The following ADAMTS2 variants were observed in gnomAD, a reference collection of about 807,000 sequenced individuals.
ADAMTS2 encodes ADAM metallopeptidase with thrombospondin type 1 motif 2.
Under a neutral mutation model 123.0 loss-of-function variants are expected in ADAMTS2, and 50 were observed. The observed-to-expected ratio is 0.41, with a 90% CI of 0.32 to 0.51. The LOEUF is 0.51. Among genes scored for constraint, ADAMTS2 ranks in the 20% least tolerant of loss-of-function variants. The probability of loss-of-function intolerance (pLI) is 0.35; values close to 1 mark genes in which losing one functional copy is unlikely to be tolerated. For synonymous variants in ADAMTS2, 678 were observed against 695.4 expected, an observed-to-expected ratio of 0.98 and a Z score of 0.39; for missense variants, 1,494 against 1,705.2, an observed-to-expected ratio of 0.88 and a Z score of 2.18.
In ADAMTS2 at chr5:179,270,000, G is replaced by A. The variant is rs147093552; in HGVS notation, c.688+2911C>T. Among the ~76,000 whole-genome samples, 1,213 of 152,166 alleles carry A rather than the reference G, an allele frequency of 8.0e-3. 19 individuals carry two copies. Among genetic ancestry groups the A allele is most frequent in the African/African-American group, 0.028 (1,157 of 41,526 alleles). On this transcript the variant is annotated intron_variant, in intron 3 of 21. Transcript: ENST00000251582. ...GGGAGGAGAGAAAAGGACCCTCCCC[G>A]CTCCCTCACCCCTTGCCCCTCCTAA...
rs1764161643 is a variant in ADAMTS2, at chr5:179,185,894, G to A, written c.892-4739C>T. 6.6e-6 allele frequency among the ~76,000 whole-genome samples: 1 copy of A among 152,014 alleles called. No homozygotes were observed. Among genetic ancestry groups the A allele is most frequent in the Admixed American group, 6.5e-5 (1 of 15,274 alleles). On this transcript the variant is annotated intron_variant, in intron 4 of 21. Coordinates refer to ENST00000251582, the MANE Select transcript of ADAMTS2 (RefSeq NM_014244.5). This position sits in a 1 kb window ranked among gnomAD's most constrained non-coding sequence, Gnocchi z 5.9. ...CTGAGGAGCTAGAGAGGGCATGCCT[G>A]CAAATGCTCCCAGCAGGTAGCCAGG...
chr5:179,329,050 A>G (rs537450508), intron 2 of ADAMTS2, among the ~76,000 whole-genome samples: 124 of 152,330 alleles, frequency 8.1e-4, no homozygotes, highest in South Asian at 2.9e-3. Flanking sequence ...AGAAAAGGCC[A>G]GGCACAGTGG....
intron 21 of ADAMTS2, among the ~76,000 whole-genome samples, chr5:179,119,184 T>C (rs780930935): frequency 1.3e-5 from 2 of 152,210 alleles, no homozygotes; most frequent in Non-Finnish European, 2.9e-5. Context: ...GGAAGCACTG[T>C]CTGACCCAAT....
At chr5:179,235,265 G>C (rs1422786675) in intron 3 of ADAMTS2, among the ~76,000 whole-genome samples, 1 of 152,208 alleles carries the variant, frequency 6.6e-6, no homozygotes, top group African/African-American at 2.4e-5. Context: ...TCATCTCTGG[G>C]TCACCTGCCT....
intron 3 of ADAMTS2, among the ~76,000 whole-genome samples, chr5:179,227,183 T>G (rs1380934230): frequency 6.6e-6 from 1 of 151,650 alleles, no homozygotes; most frequent in African/African-American, 2.4e-5. Context: ...AGAAGAAAGG[T>G]GTGCAGTGGC....
At chr5:179,210,152 A>T (rs1469208145) in intron 3 of ADAMTS2, among the ~76,000 whole-genome samples, 1 of 152,228 alleles carries the variant, frequency 6.6e-6, no homozygotes, top group Admixed American at 6.5e-5. Context: ...CCACACCTGG[A>T]GACAAAACAC....
In ADAMTS2 at chr5:179,128,261, C is replaced by A; in HGVS notation, c.2458-143G>T. ...CATTCCATGAAGTCGCCCCGAGCAC[C>A]AAATTCTTGAATAGGGAGCCATTAC... On this transcript the variant is annotated intron_variant, in intron 16 of 21. Transcript: ENST00000251582. This position sits in a 1 kb window ranked among gnomAD's most constrained non-coding sequence, Gnocchi z 4.9. 9.7e-7 allele frequency: 1 copy of A among 1,028,106 alleles called. No homozygotes were observed. 63.7% of individuals were successfully genotyped at this position (1,028,106 alleles called of 1,614,324 possible).
At position 179,155,577 on chromosome 5, in the gene ADAMTS2, T is replaced by G. The variant is rs1334582748; in HGVS notation, c.1133-658A>C. 6.6e-6 allele frequency among the ~76,000 whole-genome samples: 1 copy of G among 152,136 alleles called. No individual in the cohort carries two copies. Among genetic ancestry groups the G allele is most frequent in the South Asian group, 2.1e-4 (1 of 4,822 alleles). ...GAGCCGCCGTAGAAGATGAGGCCAG[T>G]GGCCTACGACAGCCCAGGGCCAGGG... On this transcript the variant is annotated intron_variant, in intron 6 of 21. Transcript: ENST00000251582. This position sits in a 1 kb window ranked among gnomAD's most constrained non-coding sequence, Gnocchi z 5.1.
chr5:179,330,081 G>C (rs1325192280), intron 2 of ADAMTS2, among the ~76,000 whole-genome samples: 1 of 148,988 alleles, frequency 6.7e-6, no homozygotes, highest in Non-Finnish European at 1.5e-5. Flanking sequence ...AGCCGAGATT[G>C]CGCCACTGCA....
rs185546686 is a variant in ADAMTS2 at position 179,132,202 on chromosome 5, C to T, written c.2290+28G>A. On this transcript the variant is annotated intron_variant, in intron 15 of 21. Coordinates refer to ENST00000251582, the MANE Select transcript of ADAMTS2 (RefSeq NM_014244.5). This position sits in a 1 kb window ranked among gnomAD's most constrained non-coding sequence, Gnocchi z 6.1. Reference sequence around the variant, plus strand: ...TCCCAGAGGAGCCAGGTCCTGAGGACGTCAAGTTGTCCGGCTCTGAGACTC... The same window carrying T: ...TCCCAGAGGAGCCAGGTCCTGAGGATGTCAAGTTGTCCGGCTCTGAGACTC... 1.3e-5 allele frequency: 21 copies of T among 1,609,036 alleles called. No individual in the cohort carries two copies. In the Admixed American group the frequency reaches 1.5e-4, roughly 11 times the overall value.
chr5:179,147,707 C>G (rs114363712), intron 10 of ADAMTS2, among the ~76,000 whole-genome samples: 1,673 of 152,178 alleles, frequency 0.011, 35 homozygotes, highest in African/African-American at 0.037. Flanking sequence ...TTGTAAGAGA[C>G]AGAATCATGG....
At chr5:179,299,199 A>G (rs1365492135) in intron 2 of ADAMTS2, among the ~76,000 whole-genome samples, 2 of 151,930 alleles carry the variant, frequency 1.3e-5, no homozygotes, top group African/African-American at 4.8e-5. Context: ...GTTAGTTTGT[A>G]TAGCTGTAAC....
intron 3 of ADAMTS2, among the ~76,000 whole-genome samples, chr5:179,215,298 A>G (rs896149652): frequency 2.6e-5 from 4 of 152,148 alleles, no homozygotes; most frequent in Non-Finnish European, 5.9e-5. Context: ...AAAATACAAA[A>G]TTAGCTGGGC....
At chr5:179,133,739 T>C (rs1763004333) in intron 13 of ADAMTS2, among the ~76,000 whole-genome samples, 1 of 151,912 alleles carries the variant, frequency 6.6e-6, no homozygotes, top group Non-Finnish European at 1.5e-5. Context: ...TTTTTTTTTT[T>C]GAGACAGTCT....
intron 5 of ADAMTS2, among the ~76,000 whole-genome samples, chr5:179,167,139 C>A (rs544765956): frequency 1.3e-4 from 20 of 152,334 alleles, no homozygotes; most frequent in African/African-American, 4.8e-4. Context: ...CTCGCTTCCA[C>A]TTCATTTTCC....
At chr5:179,151,718 G>A (rs574019032) in intron 10 of ADAMTS2, among the ~76,000 whole-genome samples, 4 of 152,314 alleles carry the variant, frequency 2.6e-5, no homozygotes, top group South Asian at 4.1e-4. Flanking sequence ...AAGGGACCTC[G>A]AAGGACAGTG....
chr5:179,270,791 G>A (rs148006043), intron 3 of ADAMTS2, among the ~76,000 whole-genome samples: 1,526 of 152,316 alleles, frequency 0.01, 29 homozygotes, highest in African/African-American at 0.033. Context: ...GGTGCATGGC[G>A]TGGGAGCTAG....
At chr5:179,116,350 T>C (rs991568717) in intron 21 of ADAMTS2, among the ~76,000 whole-genome samples, 1 of 145,518 alleles carries the variant, frequency 6.9e-6, no homozygotes, top group Non-Finnish European at 1.5e-5. Flanking sequence ...TTGCTCTGCA[T>C]GGAACTCCTT....
chr5:179,121,833 G>A, intron 20 of ADAMTS2, 83 bp from the exon 21 acceptor site: 1 of 960,660 alleles, frequency 1.0e-6, no homozygotes, highest in Non-Finnish European at 1.5e-6. Flanking sequence ...GGGTCTCCCG[G>A]GGTCCTGGGG....
Sources: gnomAD v4.1 joint callset for allele counts (sites outside exome capture counted in the v4.1 genomes callset) on GRCh38, gnomAD v4.1.1 for gene constraint, Gnocchi (gnomAD v3.1) non-coding constraint, MANE v1.5 for transcripts, NCBI Gene and HGNC (gene_info 2026-07-23, HGNC 2026-07-21) for gene names.